The following SNTG1 variants were observed in gnomAD, a reference collection of about 807,000 sequenced individuals.
SNTG1 encodes the protein gamma-1-syntrophin.
Under a neutral mutation model 74.7 loss-of-function variants are expected in SNTG1, and 39 were observed. The observed-to-expected ratio is 0.52, with a 90% CI of 0.40 to 0.68. The LOEUF (loss-of-function observed/expected upper bound fraction) is 0.68, where lower values mean the gene tolerates loss of function less well. SNTG1 is among the 30% of genes least tolerant of loss of function. The pLI is 0.00. For synonymous variants in SNTG1, 254 were observed against 217.1 expected (o/e 1.17, Z -1.49); for missense variants, 685 against 609.5 (o/e 1.12, Z -1.30).
At chr8:50,366,294 C>T (rs1333507848) in intron 2 of SNTG1, among the ~76,000 whole-genome samples, 3 of 152,166 alleles carry the variant, frequency 2.0e-5, no homozygotes, top group Non-Finnish European at 2.9e-5. Flanking sequence ...TACATGGTTG[C>T]GCCCAAGATC....
At chr8:50,671,869 A>G (rs1343498535) in intron 15 of SNTG1, among the ~76,000 whole-genome samples, 1 of 151,926 alleles carries the variant, frequency 6.6e-6, no homozygotes, top group African/African-American at 2.4e-5. Context: ...CAGCCATAAA[A>G]AATGATGAGT....
chr8:50,243,009 T>G (rs2086234168), intron 2 of SNTG1, among the ~76,000 whole-genome samples: 6 of 152,084 alleles, frequency 3.9e-5, no homozygotes, highest in Admixed American at 3.9e-4. Flanking sequence ...CTACTAAGGT[T>G]TTGAAATAGT....
chr8:50,191,035 G>C (rs1586641032), intron 2 of SNTG1, among the ~76,000 whole-genome samples: 1 of 152,010 alleles, frequency 6.6e-6, no homozygotes, highest in Non-Finnish European at 1.5e-5. Context: ...TCTTTCACTG[G>C]TCTTCTTTTT....
At chr8:50,056,956 C>T (rs1012041714) in intron 1 of SNTG1, among the ~76,000 whole-genome samples, 3 of 152,112 alleles carry the variant, frequency 2.0e-5, no homozygotes, top group Non-Finnish European at 2.9e-5. Context: ...ATGTCATCTA[C>T]CCTGTGTTTT....
chr8:50,001,522 T>C (rs1814735624), intron 1 of SNTG1, among the ~76,000 whole-genome samples: 2 of 152,214 alleles, frequency 1.3e-5, no homozygotes, highest in African/African-American at 4.8e-5. Context: ...AGAACACTCA[T>C]CATCTATTGT....
At chr8:50,043,843 G>T (rs1818849904) in intron 1 of SNTG1, among the ~76,000 whole-genome samples, 1 of 152,188 alleles carries the variant, frequency 6.6e-6, no homozygotes, top group Admixed American at 6.5e-5. Context: ...TGTAGGCTGA[G>T]GTGGGAAACT....
intron 5 of SNTG1, among the ~76,000 whole-genome samples, chr8:50,448,447 C>A (rs765048673): frequency 6.6e-6 from 1 of 152,066 alleles, no homozygotes; most frequent in Non-Finnish European, 1.5e-5. Flanking sequence ...ATTTTTTATA[C>A]TTGAAACAAA....
At chr8:50,711,075 A>G (rs1408122634) in intron 17 of SNTG1, among the ~76,000 whole-genome samples, 5 of 152,192 alleles carry the variant, frequency 3.3e-5, no homozygotes, top group African/African-American at 1.2e-4. Flanking sequence ...GAGGACAAGC[A>G]TAAATGGAGA....
At chr8:50,757,894 C>A (rs2095585449) in intron 18 of SNTG1, among the ~76,000 whole-genome samples, 2 of 151,830 alleles carry the variant, frequency 1.3e-5, no homozygotes, top group African/African-American at 4.8e-5. Context: ...ATGTTTACAA[C>A]TAAACCAAGT....
chr8:50,470,351 G>C (rs58418550), intron 8 of SNTG1, among the ~76,000 whole-genome samples: 3 of 152,036 alleles, frequency 2.0e-5, no homozygotes, highest in Non-Finnish European at 4.4e-5. Flanking sequence ...TCTTGGTCTC[G>C]CTGACTTCAA....
chr8:49,921,282 T>C (rs532406604), intron 1 of SNTG1, among the ~76,000 whole-genome samples: 2 of 151,976 alleles, frequency 1.3e-5, no homozygotes, highest in Non-Finnish European at 2.9e-5. Context: ...GGAAAATGCA[T>C]GGAGTTCTAA....
intron 15 of SNTG1, among the ~76,000 whole-genome samples, chr8:50,685,508 C>G (rs1322482702): frequency 1.3e-5 from 2 of 152,134 alleles, no homozygotes; most frequent in Non-Finnish European, 2.9e-5. Context: ...CTGTAAATTT[C>G]AGAATCTCTG....
intron 2 of SNTG1, among the ~76,000 whole-genome samples, chr8:50,305,903 T>TAA (rs5891362): frequency 0.011 from 1,579 of 148,616 alleles, 16 homozygotes; most frequent in Non-Finnish European, 0.015. Context: ...TATATTTATT[T>TAA]AAAAAAAAAA....
At chr8:50,033,322 C>CCATGTTGGT (rs1817891108) in intron 1 of SNTG1, among the ~76,000 whole-genome samples, 1 of 152,024 alleles carries the variant, frequency 6.6e-6, no homozygotes, top group Non-Finnish European at 1.5e-5. Context: ...CGGGGTTTCT[C>CCATGTTGGT]CATGTTGGTC....
rs1294605008 is a variant in SNTG1 at position 50,718,799 on chromosome 8, G to A, written c.1284+9821G>A. On this transcript the variant is annotated intron_variant, in intron 17 of 18. Coordinates refer to ENST00000642720, the MANE Select transcript of SNTG1 (RefSeq NM_018967.5). The stretch of plus-strand genomic sequence containing the variant: ...CATATTAGTAAATGTGAAGAATAGT[G>A]TGGCCTCAAAAATAAAACTATACAG... Among the ~76,000 whole-genome samples the A allele has an allele frequency of 3.3e-5, 5 of 152,108 alleles. No individual in the cohort carries two copies. In the East Asian group the frequency reaches 7.7e-4, roughly 23 times the overall value.
At chr8:50,003,983 G>T (rs1814981150) in intron 1 of SNTG1, among the ~76,000 whole-genome samples, 1 of 152,092 alleles carries the variant, frequency 6.6e-6, no homozygotes. Flanking sequence ...AGTTTTGTTA[G>T]GGCTTTTACT....
At chr8:49,921,018 G>A (rs964485500) in intron 1 of SNTG1, among the ~76,000 whole-genome samples, 7 of 152,026 alleles carry the variant, frequency 4.6e-5, no homozygotes, top group Middle Eastern at 3.2e-3. Flanking sequence ...ATGTCAAATG[G>A]ATAATGAGAG....
intron 2 of SNTG1, among the ~76,000 whole-genome samples, chr8:50,282,925 T>G (rs1438696978): frequency 6.6e-6 from 1 of 152,222 alleles, no homozygotes; most frequent in Non-Finnish European, 1.5e-5. Context: ...ATTGAACTCA[T>G]GCAAATAACC....
At chr8:50,251,729 T>C (rs952805018) in intron 2 of SNTG1, among the ~76,000 whole-genome samples, 9 of 152,000 alleles carry the variant, frequency 5.9e-5, no homozygotes, top group Admixed American at 2.6e-4. Flanking sequence ...TTACTAGACC[T>C]AAAAGGAGAG....
Sources: allele counts gnomAD v4.1 joint callset (sites outside exome capture counted in the v4.1 genomes callset), GRCh38; gene constraint gnomAD v4.1.1; transcripts MANE v1.5; gene names NCBI Gene and HGNC (gene_info 2026-07-23, HGNC 2026-07-21).